Variants in PIP4K2A observed in about 807,000 individuals in gnomAD.
The protein encoded by PIP4K2A is phosphatidylinositol-5-phosphate 4-kinase type 2 alpha, also known as phosphatidylinositol 5-phosphate 4-kinase type-2 alpha.
PIP4K2A carries 14 observed loss-of-function variants against 42.9 expected under a neutral mutation model. The ratio of observed to expected loss-of-function variants is 0.33; its 90% CI spans 0.22 to 0.51. The LOEUF (loss-of-function observed/expected upper bound fraction) is 0.51. Ranked by LOEUF, PIP4K2A falls within the 20% of genes least tolerant of loss-of-function variation. The probability of loss-of-function intolerance (pLI) is 0.97; values close to 1 mark genes in which losing one functional copy is unlikely to be tolerated. For missense variants in PIP4K2A, 434 were observed against 519.8 expected, an observed-to-expected ratio of 0.83 and a Z score of 1.61; for synonymous variants, 192 against 192.2, an observed-to-expected ratio of 1.00 and a Z score of 0.01.
At chr10:22,605,515 G>A (rs890895721) in intron 3 of PIP4K2A, among the ~76,000 whole-genome samples, 6 of 152,224 alleles carry the variant, frequency 3.9e-5, no homozygotes, top group Non-Finnish European at 8.8e-5. Flanking sequence ...GTCATTTGAG[G>A]AAATTTTAAA....
intron 1 of PIP4K2A, among the ~76,000 whole-genome samples, chr10:22,661,314 T>C (rs1476901245): frequency 6.6e-6 from 1 of 151,464 alleles, no homozygotes; most frequent in Non-Finnish European, 1.5e-5. Context: ...GACTTGTATA[T>C]ACTAGTCTAT....
intron 8 of PIP4K2A, among the ~76,000 whole-genome samples, chr10:22,540,553 C>T (rs985082779): frequency 5.3e-5 from 8 of 152,118 alleles, no homozygotes; most frequent in Non-Finnish European, 8.8e-5. Context: ...TACATCCACT[C>T]CAATGTCTAT....
intron 1 of PIP4K2A, among the ~76,000 whole-genome samples, chr10:22,641,556 C>T (rs1838783542): frequency 6.6e-6 from 1 of 151,912 alleles, no homozygotes; most frequent in Non-Finnish European, 1.5e-5. Context: ...ATCCTCCCAC[C>T]TCAATGTCCC....
At chr10:22,676,485 T>C (rs1018257309) in intron 1 of PIP4K2A, among the ~76,000 whole-genome samples, 2 of 152,052 alleles carry the variant, frequency 1.3e-5, no homozygotes, top group African/African-American at 4.8e-5. Context: ...TATGGCCAGA[T>C]CAAGAGGGGC....
intron 1 of PIP4K2A, among the ~76,000 whole-genome samples, chr10:22,655,751 T>C (rs1839087659): frequency 6.6e-6 from 1 of 152,238 alleles, no homozygotes; most frequent in African/African-American, 2.4e-5. Context: ...CATGCATCTG[T>C]ACCACGATTC....
chr10:22,631,625 TATG>T (rs1838551886), intron 1 of PIP4K2A, among the ~76,000 whole-genome samples: 1 of 152,174 alleles, frequency 6.6e-6, no homozygotes, highest in African/African-American at 2.4e-5. Flanking sequence ...AATAAGAATC[TATG>T]ATTTCACGTT....
At chr10:22,674,294 T>C (rs931923319) in intron 1 of PIP4K2A, among the ~76,000 whole-genome samples, 1 of 151,892 alleles carries the variant, frequency 6.6e-6, no homozygotes, top group African/African-American at 2.4e-5. Flanking sequence ...TTGGCTTGTA[T>C]CATGTTCTTT....
intron 1 of PIP4K2A, among the ~76,000 whole-genome samples, chr10:22,614,521 G>GAAAACTTCTT (rs2130722915): frequency 6.6e-6 from 1 of 152,212 alleles, no homozygotes; most frequent in South Asian, 2.1e-4. Context: ...ATTCCCCCCA[G>GAAAACTTCTT]AAAACTTCTT....
intron 9 of PIP4K2A, among the ~76,000 whole-genome samples, chr10:22,537,530 A>G (rs1193168225): frequency 1.3e-5 from 2 of 152,102 alleles, no homozygotes; most frequent in African/African-American, 2.4e-5. Flanking sequence ...GCTACCACAC[A>G]CACCGGGGCT....
At chr10:22,655,972 A>C (rs1272748695) in intron 1 of PIP4K2A, among the ~76,000 whole-genome samples, 2 of 152,112 alleles carry the variant, frequency 1.3e-5, no homozygotes, top group East Asian at 3.8e-4. Context: ...GCATTCCCCC[A>C]TTAGCATCTT....
chr10:22,640,009 G>GTTTT (rs1838745764), intron 1 of PIP4K2A, among the ~76,000 whole-genome samples: 1 of 104,420 alleles, frequency 9.6e-6, no homozygotes, highest in African/African-American at 3.7e-5. Flanking sequence ...GCATGGATGT[G>GTTTT]TTGTCTTTTT....
intron 1 of PIP4K2A, among the ~76,000 whole-genome samples, chr10:22,713,695 G>A (rs921527547): frequency 6.6e-6 from 1 of 152,152 alleles, no homozygotes; most frequent in Non-Finnish European, 1.5e-5. Context: ...GTGCCCCAGT[G>A]GGAGGCTCGC....
chr10:22,611,117 A>G (rs950841659), intron 1 of PIP4K2A, among the ~76,000 whole-genome samples: 3 of 152,228 alleles, frequency 2.0e-5, no homozygotes, highest in Non-Finnish European at 2.9e-5. Flanking sequence ...AGTTGGGCAC[A>G]GCAGCTCATA....
Position 22,535,793 on chromosome 10 carries a change from CA to C in PIP4K2A, c.*1407del, listed in dbSNP as rs1835904137. ...AATTTATAACTTGATTAAAAACAATCAGCACAGTTTAGGGCAATGAACTTTC... is the reference window on the plus strand; with the variant it reads ...AATTTATAACTTGATTAAAAACAATCGCACAGTTTAGGGCAATGAACTTTC... On this transcript the variant is annotated 3_prime_UTR_variant, in exon 10 of 10. Transcript: ENST00000376573. The C allele has an allele frequency of 3.9e-6, 1 of 259,476 alleles. No homozygotes were observed. The highest frequency in any genetic ancestry group is 2.2e-5 in the African/African-American group (1 of 45,826). 16.1% of individuals were successfully genotyped at this position (259,476 alleles called of 1,614,324 possible).
intron 1 of PIP4K2A, among the ~76,000 whole-genome samples, chr10:22,627,630 A>AAAAAAAGAG (rs1346625282): frequency 8.5e-6 from 1 of 118,136 alleles, no homozygotes; most frequent in Non-Finnish European, 1.8e-5. Flanking sequence ...AAAAAAAAAA[A>AAAAAAAGAG]AGATAAGGAA....
At chr10:22,640,397 G>A (rs888928556) in intron 1 of PIP4K2A, among the ~76,000 whole-genome samples, 1 of 152,190 alleles carries the variant, frequency 6.6e-6, no homozygotes, top group African/African-American at 2.4e-5. Flanking sequence ...TCCCAGTTGG[G>A]AGATTCATCC....
intron 1 of PIP4K2A, among the ~76,000 whole-genome samples, chr10:22,642,676 A>C (rs1231651000): frequency 1.5e-5 from 2 of 134,108 alleles, no homozygotes; most frequent in African/African-American, 2.8e-5. Flanking sequence ...TATTTATAGC[A>C]CATCAAAACG....
At chr10:22,669,662 C>A (rs934304841) in intron 1 of PIP4K2A, among the ~76,000 whole-genome samples, 21 of 152,184 alleles carry the variant, frequency 1.4e-4, no homozygotes, top group Non-Finnish European at 3.1e-4. Context: ...GCCATGCACA[C>A]TCAGAGGACA....
At chr10:22,663,317 T>C (rs1306574386) in intron 1 of PIP4K2A, among the ~76,000 whole-genome samples, 1 of 152,222 alleles carries the variant, frequency 6.6e-6, no homozygotes, top group Non-Finnish European at 1.5e-5. Flanking sequence ...TGCCAAGAAC[T>C]GGCATACAAT....
Sources: gnomAD v4.1 joint callset for allele counts (sites outside exome capture counted in the v4.1 genomes callset) on GRCh38, gnomAD v4.1.1 for gene constraint, MANE v1.5 for transcripts, NCBI Gene and HGNC (gene_info 2026-07-23, HGNC 2026-07-21) for gene names.